Variants in ADAMTS2 observed in about 807,000 individuals in gnomAD.
The protein encoded by ADAMTS2 is A disintegrin and metalloproteinase with thrombospondin motifs 2.
A neutral mutation model predicts 123.0 loss-of-function variants in ADAMTS2; 50 were observed. The ratio of observed to expected loss-of-function variants is 0.41; its 90% confidence interval spans 0.32 to 0.51. The LOEUF is 0.51. Among genes scored for constraint, ADAMTS2 ranks in the 20% least tolerant of loss-of-function variants. The pLI is 0.35. For synonymous variants in ADAMTS2, 678 were observed against 695.4 expected, an observed-to-expected ratio of 0.98 and a Z score of 0.39; for missense variants, 1,494 against 1,705.2, an observed-to-expected ratio of 0.88 and a Z score of 2.18.
chr5:179,175,477 A>G lies in ADAMTS2; in HGVS notation c.975+5595T>C, dbSNP rs552336231. On this transcript the variant is annotated intron_variant, in intron 5 of 21. Coordinates refer to ENST00000251582, the MANE Select transcript of ADAMTS2 (RefSeq NM_014244.5). The surrounding 1 kb of genome is among the most constrained non-coding windows in gnomAD (Gnocchi z 4.1). ...TTTCTTCCTATCATTAATCAGGTAC[A>G]ATTTCCTTCCAATGGGTCCATTGTC... Among the ~76,000 whole-genome samples the G allele has an allele frequency of 1.3e-5, 2 of 152,232 alleles. No individual in the cohort carries two copies. Among genetic ancestry groups the G allele is most frequent in the South Asian group, 2.1e-4 (1 of 4,836 alleles).
chr5:179,291,231 G>A (rs1019298941), intron 2 of ADAMTS2, among the ~76,000 whole-genome samples: 1 of 152,246 alleles, frequency 6.6e-6, no homozygotes, highest in Admixed American at 6.5e-5. Flanking sequence ...AAGCCTGAGT[G>A]GCACTTGTGG....
At chr5:179,246,000 T>A (rs1369889024) in intron 3 of ADAMTS2, among the ~76,000 whole-genome samples, 1 of 152,146 alleles carries the variant, frequency 6.6e-6, no homozygotes, top group South Asian at 2.1e-4. Context: ...AATCTCAGAA[T>A]CGACTTTTTT....
At chr5:179,144,251 A>G (rs1316230020) in intron 10 of ADAMTS2, among the ~76,000 whole-genome samples, 1 of 152,256 alleles carries the variant, frequency 6.6e-6, no homozygotes, top group Non-Finnish European at 1.5e-5. Flanking sequence ...CGTGTCCACT[A>G]AAAATTACAA....
intron 3 of ADAMTS2, among the ~76,000 whole-genome samples, chr5:179,266,236 T>C (rs977614834): frequency 3.9e-5 from 6 of 152,060 alleles, no homozygotes; most frequent in Non-Finnish European, 7.4e-5. Context: ...CGGACGTCCA[T>C]GTCCTAATCC....
At chr5:179,232,081 G>C (rs1361223496) in intron 3 of ADAMTS2, among the ~76,000 whole-genome samples, 1 of 152,158 alleles carries the variant, frequency 6.6e-6, no homozygotes, top group African/African-American at 2.4e-5. Context: ...TTATGAAATA[G>C]AGTGCATCTT....
At chr5:179,306,292 A>T (rs1756670140) in intron 2 of ADAMTS2, among the ~76,000 whole-genome samples, 1 of 152,220 alleles carries the variant, frequency 6.6e-6, no homozygotes, top group Admixed American at 6.5e-5. Context: ...TTTGTCCTGG[A>T]TTTGCAGAGT....
In ADAMTS2 at chr5:179,188,029, G is replaced by C. The variant is rs995325296; in HGVS notation, c.892-6874C>G. 6.6e-6 allele frequency among the ~76,000 whole-genome samples: 1 copy of C among 152,096 alleles called. No individual in the cohort carries two copies. Among genetic ancestry groups the C allele is most frequent in the African/African-American group, 2.4e-5 (1 of 41,414 alleles). On this transcript the variant is annotated intron_variant, in intron 4 of 21. Coordinates refer to ENST00000251582, the MANE Select transcript of ADAMTS2 (RefSeq NM_014244.5). This position sits in a 1 kb window ranked among gnomAD's most constrained non-coding sequence, Gnocchi z 5.1. Reference sequence around the variant, plus strand: ...AGGTGACTTTGTCCTCTGCCAAGGTGGGGGAGGGGTGCAGAAAGGGGGGAA... The same window carrying C: ...AGGTGACTTTGTCCTCTGCCAAGGTCGGGGAGGGGTGCAGAAAGGGGGGAA...
rs1179790510 is a variant in ADAMTS2 at position 179,234,736 on chromosome 5, G to C, written c.689-27021C>G. Among the ~76,000 whole-genome samples, 4 of 152,094 alleles carry C rather than the reference G, an allele frequency of 2.6e-5. No individual in the cohort carries two copies. The highest frequency in any genetic ancestry group is 4.4e-5 in the Non-Finnish European group (3 of 68,010). On this transcript the variant is annotated intron_variant, in intron 3 of 21. Coordinates refer to ENST00000251582, the MANE Select transcript of ADAMTS2 (RefSeq NM_014244.5). This position sits in a 1 kb window ranked among gnomAD's most constrained non-coding sequence, Gnocchi z 4.7. Reference sequence around the variant, plus strand: ...GCACCTTCCCCATCTCCCCGTCCATGATGAGCTCAGCCCCTCCCTCTACCT... The same window carrying C: ...GCACCTTCCCCATCTCCCCGTCCATCATGAGCTCAGCCCCTCCCTCTACCT...
chr5:179,247,045 A>G (rs1444193328), intron 3 of ADAMTS2, among the ~76,000 whole-genome samples: 1 of 152,246 alleles, frequency 6.6e-6, no homozygotes, highest in East Asian at 1.9e-4. Context: ...ACCTTCCCTG[A>G]GGAAGCCTAG....
At chr5:179,208,172 G>C (rs1764762331) in intron 3 of ADAMTS2, among the ~76,000 whole-genome samples, 1 of 151,664 alleles carries the variant, frequency 6.6e-6, no homozygotes, top group Admixed American at 6.6e-5. Flanking sequence ...CGATGCTGGA[G>C]TGGGTAGAGC....
At chr5:179,167,321 A>G (rs1763721690) in intron 5 of ADAMTS2, among the ~76,000 whole-genome samples, 1 of 151,806 alleles carries the variant, frequency 6.6e-6, no homozygotes, top group Non-Finnish European at 1.5e-5. Flanking sequence ...CGGGCCGGGG[A>G]CGCACCCGGC....
In ADAMTS2 at chr5:179,234,855, C is replaced by T. The variant is rs1581209923; in HGVS notation, c.689-27140G>A. ...TCGAGTCCTCACCTGAGCTTGCCCC[C>T]ATTAAAATCCTCTGTACCTCCCTCT... On this transcript the variant is annotated intron_variant, in intron 3 of 21. Coordinates refer to ENST00000251582, the MANE Select transcript of ADAMTS2 (RefSeq NM_014244.5). The surrounding 1 kb of genome is among the most constrained non-coding windows in gnomAD (Gnocchi z 4.7). 6.6e-6 allele frequency among the ~76,000 whole-genome samples: 1 copy of T among 152,306 alleles called. No homozygotes were observed. Among genetic ancestry groups the T allele is most frequent in the Admixed American group, 6.5e-5 (1 of 15,300 alleles).
chr5:179,197,381 T>C lies in ADAMTS2; in HGVS notation c.891+10132A>G, dbSNP rs1764451848. Among the ~76,000 whole-genome samples, 1 of 152,212 alleles carries C rather than the reference T, an allele frequency of 6.6e-6. No homozygotes were observed. Among genetic ancestry groups the C allele is most frequent in the Admixed American group, 6.5e-5 (1 of 15,290 alleles). ...TGAAGCCACAAAGGAAGCTTCAGCC[T>C]TGGGCCCAAGCTTTATATTTCTTGA... On this transcript the variant is annotated intron_variant, in intron 4 of 21. Transcript: ENST00000251582. This position sits in a 1 kb window ranked among gnomAD's most constrained non-coding sequence, Gnocchi z 4.2.
intron 5 of ADAMTS2, among the ~76,000 whole-genome samples, chr5:179,159,368 C>G (rs529916282): frequency 2.0e-5 from 3 of 152,144 alleles, no homozygotes; most frequent in Admixed American, 1.3e-4. Flanking sequence ...TTATACGTTC[C>G]CCCCGTGTGA....
intron 3 of ADAMTS2, among the ~76,000 whole-genome samples, chr5:179,213,138 C>G (rs1230529305): frequency 1.3e-5 from 2 of 152,142 alleles, no homozygotes; most frequent in Admixed American, 6.5e-5. Flanking sequence ...CCACACTGTT[C>G]AGTGACACGG....
At chr5:179,150,756 G>C (rs551057481) in intron 10 of ADAMTS2, 12 of 152,878 alleles carry the variant, frequency 7.8e-5, no homozygotes, top group East Asian at 7.7e-4. Flanking sequence ...TGCTAGCCAG[G>C]GGATGGGGCG....
chr5:179,217,194 TTAGAAGTTTGA>T (rs1765002465), intron 3 of ADAMTS2, among the ~76,000 whole-genome samples: 1 of 152,142 alleles, frequency 6.6e-6, no homozygotes, highest in Non-Finnish European at 1.5e-5. Context: ...GCTACCAAGG[TTAGAAGTTTGA>T]TATCTACATA....
intron 3 of ADAMTS2, among the ~76,000 whole-genome samples, chr5:179,261,869 G>A (rs1050202261): frequency 6.6e-6 from 1 of 152,192 alleles, no homozygotes; most frequent in Non-Finnish European, 1.5e-5. Context: ...AAACAAGGAT[G>A]CACACACGTC....
chr5:179,221,225 G>A (rs1278477435), intron 3 of ADAMTS2, among the ~76,000 whole-genome samples: 5 of 152,126 alleles, frequency 3.3e-5, no homozygotes, highest in African/African-American at 9.7e-5. Flanking sequence ...GAGTGGGCAC[G>A]GGACCTCTCT....
Sources: allele counts gnomAD v4.1 joint callset (sites outside exome capture counted in the v4.1 genomes callset), GRCh38; gene constraint gnomAD v4.1.1; non-coding constraint Gnocchi (gnomAD v3.1); transcripts MANE v1.5; gene names NCBI Gene and HGNC (gene_info 2026-07-23, HGNC 2026-07-21).